The following NEU4 variants were observed in gnomAD, a reference collection of about 807,000 sequenced individuals.
NEU4 encodes the protein neuraminidase 4.
In NEU4, 7 loss-of-function variants were observed where a neutral mutation model predicts 9.9. The observed-to-expected ratio is 0.71, with a 90% CI of 0.40 to 1.33. NEU4 has a LOEUF of 1.33. Among genes scored for constraint, NEU4 ranks in the 40% most tolerant of loss-of-function variants. NEU4 has a pLI of 0.01. For missense variants in NEU4, 717 were observed against 712.6 expected (o/e 1.01, Z -0.07); for synonymous variants, 348 against 316.9 (o/e 1.10, Z -1.04).
chr2:241,814,917 C>T lies in NEU4; in HGVS notation c.227C>T (p.Thr76Ile), dbSNP rs762731895. The T allele has an allele frequency of 1.9e-6, 3 of 1,611,792 alleles. No homozygotes were observed. Among genetic ancestry groups the T allele is most frequent in the Non-Finnish European group, 2.5e-6 (3 of 1,179,506 alleles). The change falls in exon 3 of 4, where the codon ACA (threonine) becomes ATA (isoleucine). Residue 76 changes from threonine to isoleucine, a missense_variant. Physicochemically the swap from Thr to Ile is moderately conservative, Grantham distance 89. Transcript: ENST00000407683. ...TGGGGTGCCCTGCACGTGCTGGGGA[C>T]AGCAGCCCTGGCGGAGCACCGGTCC... The part of the protein sequence containing the change: ...VRWGALHVLG[T>I]AALAEHRSMN...
At chr2:241,816,023 C>T in intron 3 of NEU4, 28 bp from the exon 4 acceptor site, 4 of 1,559,664 alleles carry the variant, frequency 2.6e-6, no homozygotes, top group Non-Finnish European at 3.5e-6. Context: ...CCCAGCAGCC[C>T]CTCCCACCTC....
chr2:241,811,058 C>G, intron 1 of NEU4: 1 of 1,115,776 alleles, frequency 9.0e-7, no homozygotes, highest in Non-Finnish European at 1.1e-6. Context: ...GGAGAGTGTG[C>G]ACTCACGGAG....
intron 1 of NEU4, chr2:241,813,491 G>A (rs904166378): frequency 1.1e-5 from 13 of 1,179,888 alleles, no homozygotes; most frequent in South Asian, 1.6e-5. Context: ...GCCTTTGTGC[G>A]ATCAGACTGA....
intron 1 of NEU4, chr2:241,813,211 T>G (rs1198581865): frequency 5.8e-6 from 3 of 518,984 alleles, no homozygotes; most frequent in Non-Finnish European, 7.5e-6. Flanking sequence ...TACCCGGGTC[T>G]CTGTCAGTGG....
intron 1 of NEU4, among the ~76,000 whole-genome samples, chr2:241,812,791 T>A (rs908982529): frequency 6.7e-6 from 1 of 148,458 alleles, no homozygotes; most frequent in Non-Finnish European, 1.5e-5. Context: ...GTTTCTGGAG[T>A]CTCCTCCTCT....
At chr2:241,814,365 C>A in intron 1 of NEU4, 117 bp from the exon 2 acceptor site, 1 of 954,492 alleles carries the variant, frequency 1.0e-6, no homozygotes, top group Non-Finnish European at 1.6e-6. Flanking sequence ...GGAAGAGGCC[C>A]AGGTGTGGGC....
rs1399676130 is a variant in NEU4, at chr2:241,816,607, G to A, written c.1014G>A (p.Gln338=). The A allele has an allele frequency of 6.3e-7, 1 of 1,582,632 alleles. No individual in the cohort carries two copies. Among genetic ancestry groups the A allele is most frequent in the Admixed American group, 1.8e-5 (1 of 55,688 alleles). The change falls in exon 4 of 4, where the codon CAG becomes CAA. Residue 338 remains glutamine (Q), a synonymous_variant. Coordinates refer to ENST00000407683, the MANE Select transcript of NEU4 (RefSeq NM_001167600.3). Reference sequence around the variant, plus strand: ...CTGGTGGGCCCTTCAGCCGTCTGCAGCCTCGGGGGGATGGCCCCAGGCAGC... The same window carrying A: ...CTGGTGGGCCCTTCAGCCGTCTGCAACCTCGGGGGGATGGCCCCAGGCAGC... ...QVPGGPFSRL[Q]PRGDGPRQPG...
chr2:241,815,715 G>A, intron 3 of NEU4: 1 of 550,556 alleles, frequency 1.8e-6, no homozygotes, highest in Non-Finnish European at 3.4e-6. Flanking sequence ...GCCCGTGGGA[G>A]CTACAGCAGG....
rs1290573853 is a variant in NEU4 at position 241,816,444 on chromosome 2, C to A, written c.851C>A (p.Pro284Gln). ...TGCCAGGGCAGCATCGTGGGCTTCCCAGCCCCCGCCCCCAACAGGCCACGG... is the reference window on the plus strand; with the variant it reads ...TGCCAGGGCAGCATCGTGGGCTTCCAAGCCCCCGCCCCCAACAGGCCACGG... ...WGCQGSIVGF[P>Q]APAPNRPRDD... Residue 284 changes from proline to glutamine, a missense_variant, in exon 4 of 4, where the codon CCA (proline) becomes CAA (glutamine). Physicochemically the swap from Pro to Gln is moderately conservative, Grantham distance 76. Transcript: ENST00000407683. 3.1e-6 allele frequency: 5 copies of A among 1,608,058 alleles called. No individual in the cohort carries two copies. In the African/African-American group the frequency reaches 6.7e-5, roughly 21 times the overall value.
At chr2:241,814,204 C>G (rs775182372) in intron 1 of NEU4, 4 of 645,520 alleles carry the variant, frequency 6.2e-6, no homozygotes, top group Non-Finnish European at 1.2e-5. Context: ...CCAGCCTGGC[C>G]GAGGGTCAGC....
intron 1 of NEU4, chr2:241,811,278 A>T: frequency 7.8e-7 from 1 of 1,274,062 alleles, no homozygotes; most frequent in Non-Finnish European, 1.0e-6. Flanking sequence ...GCCCATCTGC[A>T]CCCCTGGCCC....
In NEU4 at chr2:241,814,607, G is replaced by T; in HGVS notation, c.123G>T (p.Glu41Asp). 6.2e-7 allele frequency: 1 copy of T among 1,609,930 alleles called. No individual in the cohort carries two copies. Among genetic ancestry groups the T allele is most frequent in the African/African-American group, 1.3e-5 (1 of 75,012 alleles). ...PPGPTLLAFV[E>D]QRLSPDDSHA... ...GGCCCACCCTGCTGGCCTTTGTGGA[G>T]CAGCGGCTCAGCCCTGACGACTCCC... Residue 41 changes from glutamate to aspartate, a missense_variant, in exon 2 of 4, where the codon GAG becomes GAT. By Grantham distance (45) the Glu-to-Asp change is conservative (BLOSUM62 2). Coordinates refer to ENST00000407683, the MANE Select transcript of NEU4 (RefSeq NM_001167600.3).
At position 241,816,730 on chromosome 2, in the gene NEU4, G is replaced by C; in HGVS notation, c.1137G>C (p.Leu379=). 1 of 1,563,272 alleles carries C rather than the reference G, an allele frequency of 6.4e-7. No individual in the cohort carries two copies. The highest frequency in any genetic ancestry group is 1.4e-5 in the African/African-American group (1 of 73,706). Residue 379 remains leucine (L), a synonymous_variant, in exon 4 of 4, where the codon CTG becomes CTC. Transcript: ENST00000407683. ...CGCCCCAGAGCCCCACGTGGCTGCTGTACTCCCACCCAGTGGGGCGCAGGG... is the reference window on the plus strand; with the variant it reads ...CGCCCCAGAGCCCCACGTGGCTGCTCTACTCCCACCCAGTGGGGCGCAGGG... The part of the protein sequence containing the change: ...AAPPQSPTWL[L]YSHPVGRRAR...
Position 241,814,676 on chromosome 2 carries a change from C to A in NEU4, c.192C>A (p.Gly64=). 1 of 1,552,634 alleles carries A rather than the reference C, an allele frequency of 6.4e-7. No individual in the cohort carries two copies. The highest frequency in any genetic ancestry group is 1.2e-5 in the South Asian group (1 of 85,024). The part of the protein sequence containing the change: ...LVLRRGTLAG[G]SVRWGALHVL... ...TGAGGAGGGGCACGCTGGCCGGGGGCTCCGTGCGGGTGAGTGAGTGGCCGG... is the reference window on the plus strand; with the variant it reads ...TGAGGAGGGGCACGCTGGCCGGGGGATCCGTGCGGGTGAGTGAGTGGCCGG... The change falls in exon 2 of 4, where the codon GGC becomes GGA. Residue 64 remains glycine (G), a synonymous_variant. Transcript: ENST00000407683.
intron 1 of NEU4, chr2:241,811,434 G>C (rs1700112327): frequency 6.4e-7 from 1 of 1,565,868 alleles, no homozygotes; most frequent in East Asian, 2.4e-5. Flanking sequence ...CACCCATGAT[G>C]AGCTCTGCAG....
chr2:241,811,521 C>T lies in NEU4; in HGVS notation c.-4+2247C>T, dbSNP rs1392722980. ...ACCCCTCTACCCGGGCGCCCGGGGT[C>T]AGGACCCGCTCCTGAGGTATCTGTC... On this transcript the variant is annotated intron_variant, in intron 1 of 3. Coordinates refer to ENST00000407683, the MANE Select transcript of NEU4 (RefSeq NM_001167600.3). The T allele has an allele frequency of 5.2e-5, 73 of 1,396,776 alleles. No individual in the cohort carries two copies. The East Asian group carries it at 2.0e-3, about 38-fold the overall frequency. The allele number at this position is 1,396,776 out of a possible 1,614,324, so 86.5% of individuals were successfully genotyped here.
At chr2:241,811,822 G>C (rs1470432847) in intron 1 of NEU4, 2 of 267,266 alleles carry the variant, frequency 7.5e-6, no homozygotes, top group Non-Finnish European at 1.4e-5. Context: ...CCACAGGGTC[G>C]TTCTGCAGAT....
At chr2:241,814,295 G>A (rs1385666275) in intron 1 of NEU4, 187 bp from the exon 2 acceptor site, 3 of 625,622 alleles carry the variant, frequency 4.8e-6, no homozygotes, top group Non-Finnish European at 8.7e-6. Flanking sequence ...GGTGGGGGAG[G>A]GGCTGCTCCA....
chr2:241,813,260 T>TAGGC, intron 1 of NEU4: 2 of 956,406 alleles, frequency 2.1e-6, no homozygotes, highest in Non-Finnish European at 2.5e-6. Flanking sequence ...GTCCCCGTCG[T>TAGGC]AGGCAGGCGT....
Sources: allele counts gnomAD v4.1 joint callset (sites outside exome capture counted in the v4.1 genomes callset), GRCh38; gene constraint gnomAD v4.1.1; transcripts MANE v1.5; gene names NCBI Gene and HGNC (gene_info 2026-07-23, HGNC 2026-07-21).